BBS9: variants seen among roughly 807,000 people sequenced by gnomAD.
BBS9 encodes protein PTHB1.
Under a neutral mutation model 117.7 loss-of-function variants are expected in BBS9, and 89 were observed. That is an observed-to-expected ratio of 0.76 (90% CI 0.64 to 0.90). BBS9 has a LOEUF of 0.90. Ranked by LOEUF, BBS9 falls within the 40% of genes least tolerant of loss-of-function variation. BBS9 has a pLI of 0.00. For synonymous variants in BBS9, 379 were observed against 370.9 expected, an observed-to-expected ratio of 1.02 and a Z score of -0.25; for missense variants, 982 against 1,042.2, an observed-to-expected ratio of 0.94 and a Z score of 0.80.
chr7:33,485,405 G>A (rs1263628892), intron 19 of BBS9, among the ~76,000 whole-genome samples: 1 of 151,522 alleles, frequency 6.6e-6, no homozygotes, highest in Non-Finnish European at 1.5e-5. Flanking sequence ...CGCCTCCCGG[G>A]TTCATGCCAT....
intron 1 of BBS9, among the ~76,000 whole-genome samples, chr7:33,134,114 G>A (rs1445055837): frequency 6.6e-6 from 1 of 151,802 alleles, no homozygotes; most frequent in African/African-American, 2.4e-5. Flanking sequence ...GCAATGGTGT[G>A]GTTTTGGCCC....
chr7:33,355,621 T>C (rs143104457), intron 15 of BBS9, among the ~76,000 whole-genome samples: 2 of 152,088 alleles, frequency 1.3e-5, no homozygotes, highest in Admixed American at 1.3e-4. Flanking sequence ...AGAGAAAAGA[T>C]ATTCTGGAGG....
chr7:33,387,549 T>A (rs758470383), intron 18 of BBS9, among the ~76,000 whole-genome samples: 1 of 152,192 alleles, frequency 6.6e-6, no homozygotes, highest in Non-Finnish European at 1.5e-5. Flanking sequence ...TTTGTGTGTT[T>A]GTTTGTGGGT....
chr7:33,150,395 C>T (rs184760867), intron 2 of BBS9, among the ~76,000 whole-genome samples: 5 of 152,234 alleles, frequency 3.3e-5, no homozygotes, highest in South Asian at 2.1e-4. Flanking sequence ...CAGCAGCTGT[C>T]CAGTCTACTA....
chr7:33,475,195 G>T (rs1197403447), intron 19 of BBS9, among the ~76,000 whole-genome samples: 3 of 152,162 alleles, frequency 2.0e-5, no homozygotes, highest in Non-Finnish European at 4.4e-5. Flanking sequence ...CAACTCTGCT[G>T]TAATAGCAAC....
At chr7:33,585,337 ATCT>A (rs554361275) in intron 21 of BBS9, among the ~76,000 whole-genome samples, 1 of 152,238 alleles carries the variant, frequency 6.6e-6, no homozygotes, top group South Asian at 2.1e-4. Flanking sequence ...ATATACCATG[ATCT>A]TCTTTTTGCC....
intron 18 of BBS9, 139 bp downstream of exon 18, chr7:33,383,977 G>A: frequency 4.4e-6 from 4 of 908,320 alleles, no homozygotes; most frequent in Non-Finnish European, 6.6e-6. Flanking sequence ...TGGATTTCGT[G>A]AATCCATTCC....
chr7:33,367,716 G>A, intron 16 of BBS9, 51 bp from the exon 17 acceptor site: 1 of 1,509,072 alleles, frequency 6.6e-7, no homozygotes, highest in Non-Finnish European at 9.2e-7. Flanking sequence ...TTTCAAATGT[G>A]TTCATTTTGC....
chr7:33,524,465 G>C (rs1205817615), intron 20 of BBS9, among the ~76,000 whole-genome samples: 1 of 152,064 alleles, frequency 6.6e-6, no homozygotes, highest in Non-Finnish European at 1.5e-5. Context: ...ACTTCTTCCT[G>C]GTTTAGTCTT....
chr7:33,602,462 C>A (rs998638926), intron 21 of BBS9, among the ~76,000 whole-genome samples: 1 of 152,278 alleles, frequency 6.6e-6, no homozygotes, highest in East Asian at 1.9e-4. Flanking sequence ...GGCAGGGTGG[C>A]TCACGCCTGT....
chr7:33,154,134 T>C (rs1324035372), intron 3 of BBS9, among the ~76,000 whole-genome samples: 1 of 152,160 alleles, frequency 6.6e-6, no homozygotes, highest in African/African-American at 2.4e-5. Context: ...AAAACTTGTT[T>C]TGAATGTCCA....
At chr7:33,274,280 C>G (rs1455071665) in intron 9 of BBS9, among the ~76,000 whole-genome samples, 1 of 152,014 alleles carries the variant, frequency 6.6e-6, no homozygotes, top group African/African-American at 2.4e-5. Flanking sequence ...TTTGATGAGT[C>G]CCTTTTAGAG....
intron 21 of BBS9, among the ~76,000 whole-genome samples, chr7:33,618,022 T>A (rs763122406): frequency 1.5e-4 from 23 of 152,152 alleles, no homozygotes; most frequent in Non-Finnish European, 3.2e-4. Context: ...CAAGAAATGT[T>A]AAAGAGAGTT....
chr7:33,525,559 T>C (rs1454795611), intron 20 of BBS9, among the ~76,000 whole-genome samples: 5 of 121,314 alleles, frequency 4.1e-5, no homozygotes, highest in African/African-American at 1.7e-4. Flanking sequence ...TATCAGAGAC[T>C]AGGATTGCAA....
chr7:33,411,853 AT>A (rs982897792), intron 19 of BBS9, among the ~76,000 whole-genome samples: 3 of 152,178 alleles, frequency 2.0e-5, no homozygotes, highest in Non-Finnish European at 2.9e-5. Context: ...GAGGAGGTAT[AT>A]AAAGATGTTT....
chr7:33,145,474 C>T (rs768146347), intron 1 of BBS9, among the ~76,000 whole-genome samples: 1 of 152,206 alleles, frequency 6.6e-6, no homozygotes, highest in Non-Finnish European at 1.5e-5. Context: ...TATAAATGGT[C>T]CTGCAGCCCA....
intron 21 of BBS9, among the ~76,000 whole-genome samples, chr7:33,590,637 A>G (rs1861753272): frequency 6.6e-6 from 1 of 151,718 alleles, no homozygotes; most frequent in Non-Finnish European, 1.5e-5. Context: ...CTTAGACTGG[A>G]ATAATTTGGC....
chr7:33,171,314 T>G (rs1290213965), intron 4 of BBS9, among the ~76,000 whole-genome samples: 1 of 151,930 alleles, frequency 6.6e-6, no homozygotes, highest in Non-Finnish European at 1.5e-5. Context: ...TCTACAACTA[T>G]CTGATCTTTG....
At chr7:33,341,481 A>G (rs1584408293) in intron 11 of BBS9, among the ~76,000 whole-genome samples, 1 of 152,038 alleles carries the variant, frequency 6.6e-6, no homozygotes, top group Admixed American at 6.6e-5. Context: ...CCCTGTTTCT[A>G]TCTGTGTGAC....
Sources: allele counts gnomAD v4.1 joint callset (sites outside exome capture counted in the v4.1 genomes callset), GRCh38; gene constraint gnomAD v4.1.1; transcripts MANE v1.5; gene names NCBI Gene and HGNC (gene_info 2026-07-23, HGNC 2026-07-21).